TLN2: variants seen among roughly 807,000 people sequenced by gnomAD.
The protein encoded by TLN2 is talin-2.
In TLN2, 118 loss-of-function variants were observed where a neutral mutation model predicts 294.7. The observed-to-expected ratio is 0.40, with a 90% CI of 0.34 to 0.47. TLN2 has a LOEUF of 0.47. Ranked by LOEUF, TLN2 falls within the 20% of genes least tolerant of loss-of-function variation. TLN2 has a pLI of 0.84. For missense variants in TLN2, 3,083 were observed against 3,282.2 expected, an observed-to-expected ratio of 0.94 and a Z score of 1.48; for synonymous variants, 1,431 against 1,304.5, an observed-to-expected ratio of 1.10 and a Z score of -2.09.
At chr15:62,431,495 G>T (rs569469045) in intron 1 of TLN2, among the ~76,000 whole-genome samples, 1 of 152,180 alleles carries the variant, frequency 6.6e-6, no homozygotes, top group Admixed American at 6.6e-5. Context: ...CGAAGTCACC[G>T]GAACAGGTAA....
At chr15:62,501,559 C>G (rs2039308974) in intron 1 of TLN2, among the ~76,000 whole-genome samples, 1 of 152,200 alleles carries the variant, frequency 6.6e-6, no homozygotes, top group Non-Finnish European at 1.5e-5. Context: ...TTTCATGATT[C>G]TGTCACACTT....
intron 41 of TLN2, among the ~76,000 whole-genome samples, chr15:62,770,646 T>G (rs1001566468): frequency 1.1e-4 from 17 of 152,360 alleles, no homozygotes; most frequent in African/African-American, 3.4e-4. Flanking sequence ...TGTCTTTAGT[T>G]CTTTTAAAAG....
At chr15:62,441,188 C>T (rs2035526988) in intron 1 of TLN2, among the ~76,000 whole-genome samples, 1 of 152,122 alleles carries the variant, frequency 6.6e-6, no homozygotes, top group Non-Finnish European at 1.5e-5. Context: ...GGGCCCCTCA[C>T]ATGGAGGGAT....
chr15:62,747,144 G>A (rs1056871363), intron 32 of TLN2, among the ~76,000 whole-genome samples: 2 of 152,166 alleles, frequency 1.3e-5, no homozygotes, highest in East Asian at 3.9e-4. Flanking sequence ...GAATGGCCAT[G>A]ACTTTCAAAA....
intron 14 of TLN2, 74 bp downstream of exon 14, chr15:62,694,466 C>T: frequency 8.0e-7 from 1 of 1,249,334 alleles, no homozygotes; most frequent in African/African-American, 1.5e-5. Context: ...AGCTTGGAGC[C>T]TGCTGCTCTG....
chr15:62,734,232 A>G (rs2060882976), intron 28 of TLN2: 1 of 152,164 alleles, frequency 6.6e-6, no homozygotes, highest in Non-Finnish European at 1.5e-5. Flanking sequence ...TGTCTTTTCT[A>G]ATTACATATG....
chr15:62,712,097 T>G lies in TLN2; in HGVS notation c.2634+20T>G. On this transcript the variant is annotated intron_variant, in intron 22 of 58. Transcript: ENST00000636159. ...GCAAAGGTATTCTACTGGATTTGTT[T>G]GTATGAAAAGTGAACACTATTAAGT... is the stretch of plus-strand genomic sequence containing the variant. 6.2e-7 allele frequency: 1 copy of G among 1,610,922 alleles called. No homozygotes were observed. Among genetic ancestry groups the G allele is most frequent in the Middle Eastern group, 1.7e-4 (1 of 6,048 alleles).
intron 9 of TLN2, among the ~76,000 whole-genome samples, chr15:62,667,041 C>T (rs979429849): frequency 3.3e-5 from 5 of 152,200 alleles, no homozygotes; most frequent in Non-Finnish European, 7.3e-5. Context: ...TCTCGGCTCA[C>T]TGCAAGCTCC....
At chr15:62,428,514 C>T (rs955946838) in intron 1 of TLN2, among the ~76,000 whole-genome samples, 2 of 152,228 alleles carry the variant, frequency 1.3e-5, no homozygotes, top group Non-Finnish European at 1.5e-5. Flanking sequence ...CGTGAAGCCA[C>T]GTGCCTTGAT....
intron 1 of TLN2, among the ~76,000 whole-genome samples, chr15:62,548,069 A>G (rs2042092761): frequency 6.6e-6 from 1 of 152,202 alleles, no homozygotes; most frequent in African/African-American, 2.4e-5. Flanking sequence ...ATGCTTGTGG[A>G]AAGATACTTA....
At chr15:62,509,025 C>T (rs571773436) in intron 1 of TLN2, among the ~76,000 whole-genome samples, 6 of 152,280 alleles carry the variant, frequency 3.9e-5, no homozygotes, top group African/African-American at 1.4e-4. Flanking sequence ...GAGGTAGGTC[C>T]TGTTTTTATC....
Position 62,781,215 on chromosome 15 carries a change from G to A in TLN2, c.5590G>A (p.Ala1864Thr), listed in dbSNP as rs759294170. The A allele has an allele frequency of 1.4e-5, 23 of 1,614,016 alleles. No individual in the cohort carries two copies. Among genetic ancestry groups the A allele is most frequent in the East Asian group, 2.2e-5 (1 of 44,894 alleles). Reference sequence around the variant, plus strand: ...GACGACTGTGGTTAAATACTCCAAAGCCATTGCGGTGACAGCTCAGGAAAT... The same window carrying A: ...GACGACTGTGGTTAAATACTCCAAAACCATTGCGGTGACAGCTCAGGAAAT... ...YQTTVVKYSK[A>T]IAVTAQEMMT... Residue 1864 changes from alanine to threonine, a missense_variant, in exon 44 of 59, where the codon GCC (alanine) becomes ACC (threonine). Transcript: ENST00000636159.
chr15:62,821,256 C>T (rs1185011300), intron 54 of TLN2, among the ~76,000 whole-genome samples: 1 of 152,224 alleles, frequency 6.6e-6, no homozygotes, highest in African/African-American at 2.4e-5. Context: ...AGCCCCAATC[C>T]TGTTAAGCTA....
At chr15:62,696,719 A>G (rs1595698475) in intron 14 of TLN2, among the ~76,000 whole-genome samples, 1 of 152,214 alleles carries the variant, frequency 6.6e-6, no homozygotes, top group African/African-American at 2.4e-5. Flanking sequence ...AAAAAAATAA[A>G]TTTTAAAAAA....
chr15:62,440,604 C>T (rs1188041115), intron 1 of TLN2, among the ~76,000 whole-genome samples: 1 of 152,210 alleles, frequency 6.6e-6, no homozygotes, highest in Non-Finnish European at 1.5e-5. Context: ...TGAATGTTTC[C>T]ATGGCAACCT....
At chr15:62,757,544 C>G (rs1005698425) in intron 37 of TLN2, among the ~76,000 whole-genome samples, 1 of 152,166 alleles carries the variant, frequency 6.6e-6, no homozygotes, top group Non-Finnish European at 1.5e-5. Flanking sequence ...TTGTCTGCCT[C>G]CTCTTCAGTT....
At chr15:62,781,737 A>G (rs1328191713) in intron 44 of TLN2, among the ~76,000 whole-genome samples, 2 of 152,132 alleles carry the variant, frequency 1.3e-5, no homozygotes, top group African/African-American at 4.8e-5. Flanking sequence ...ATGAAACAGT[A>G]TGGTTATGTA....
At chr15:62,752,534 A>G (rs2061994286) in intron 35 of TLN2, 107 bp downstream of exon 35, 3 of 1,486,514 alleles carry the variant, frequency 2.0e-6, no homozygotes, top group South Asian at 2.7e-5. Flanking sequence ...CACAGAAACC[A>G]TGGGAAAGGC....
intron 1 of TLN2, among the ~76,000 whole-genome samples, chr15:62,409,906 C>A (rs1252972119): frequency 1.3e-5 from 2 of 152,114 alleles, no homozygotes; most frequent in Non-Finnish European, 2.9e-5. Flanking sequence ...ATTTTTAGTT[C>A]TATGTTCTTC....
Sources: gnomAD v4.1 joint callset for allele counts (sites outside exome capture counted in the v4.1 genomes callset) on GRCh38, gnomAD v4.1.1 for gene constraint, MANE v1.5 for transcripts, NCBI Gene and HGNC (gene_info 2026-07-23, HGNC 2026-07-21) for gene names.